The following PSMC1 variants were observed in gnomAD, a reference collection of about 807,000 sequenced individuals.
The protein encoded by PSMC1 is 26S proteasome regulatory subunit 4.
PSMC1 carries 5 observed loss-of-function variants against 49.8 expected under a neutral mutation model. The observed-to-expected ratio is 0.10, with a 90% confidence interval of 0.05 to 0.21. The LOEUF is 0.21. Ranked by LOEUF, PSMC1 falls within the 10% of genes least tolerant of loss-of-function variation. The pLI is 1.00. For missense variants in PSMC1, 181 were observed against 535.7 expected (o/e 0.34, Z 6.54); for synonymous variants, 155 against 192.1 (o/e 0.81, Z 1.60).
chr14:90,265,389 A>G (rs1172225339), intron 7 of PSMC1, among the ~76,000 whole-genome samples: 1 of 151,222 alleles, frequency 6.6e-6, no homozygotes, highest in Non-Finnish European at 1.5e-5. Flanking sequence ...CCCTGTCTCT[A>G]TAAAAAATTA....
intron 3 of PSMC1, among the ~76,000 whole-genome samples, chr14:90,260,960 T>G (rs191091195): frequency 6.6e-6 from 1 of 152,340 alleles, no homozygotes; most frequent in East Asian, 1.9e-4. Context: ...TAACTAAGAA[T>G]CATGTTTATT....
At chr14:90,263,569 C>A in intron 4 of PSMC1, 93 bp from the exon 5 acceptor site, 2 of 1,487,214 alleles carry the variant, frequency 1.3e-6, no homozygotes, top group Non-Finnish European at 1.8e-6. Flanking sequence ...CTGCCTTTTA[C>A]AAGCATCGGC....
chr14:90,269,379 C>T lies in PSMC1; in HGVS notation c.882-18C>T, dbSNP rs539223800. 2.3e-5 allele frequency: 32 copies of T among 1,404,914 alleles called. No individual in the cohort carries two copies. Among genetic ancestry groups the T allele is most frequent in the East Asian group, 2.6e-5 (1 of 39,146 alleles). 87.0% of individuals were successfully genotyped at this position (1,404,914 alleles called of 1,614,324 possible). On this transcript the variant is annotated intron_variant, in intron 8 of 10. Coordinates refer to ENST00000261303, the MANE Select transcript of PSMC1 (RefSeq NM_002802.3). The stretch of plus-strand genomic sequence containing the variant: ...GATCAGTTGAGTCTTCATTCCTTCC[C>T]TTTTTTTTTTTCCAAAGATATGACT...
At chr14:90,266,835 G>A (rs1891529503) in intron 7 of PSMC1, among the ~76,000 whole-genome samples, 1 of 152,230 alleles carries the variant, frequency 6.6e-6, no homozygotes, top group African/African-American at 2.4e-5. Flanking sequence ...GAGCAGTCCA[G>A]CCTTTGCATC....
In PSMC1 at chr14:90,265,073, T is replaced by C; in HGVS notation, c.598T>C (p.Ser200Pro). The change falls in exon 7 of 11, where the codon TCT becomes CCT. Residue 200 changes from serine (S) to proline (P), a missense_variant. Coordinates refer to ENST00000261303, the MANE Select transcript of PSMC1 (RefSeq NM_002802.3). ...LDNQIQEIKESVELPLTHPEY... is the reference protein window; with the variant it reads ...LDNQIQEIKEPVELPLTHPEY... ...TCATTCATACTGTTTTTCATAGGAATCTGTGGAGCTTCCTCTCACCCATCC... is the reference window on the plus strand; with the variant it reads ...TCATTCATACTGTTTTTCATAGGAACCTGTGGAGCTTCCTCTCACCCATCC... 6.2e-7 allele frequency: 1 copy of C among 1,603,402 alleles called. No individual in the cohort carries two copies. Among genetic ancestry groups the C allele is most frequent in the Non-Finnish European group, 8.5e-7 (1 of 1,171,048 alleles).
At chr14:90,264,914 T>C (rs1379687637) in intron 6 of PSMC1, among the ~76,000 whole-genome samples, 156 bp from the exon 7 acceptor site, 1 of 152,238 alleles carries the variant, frequency 6.6e-6, no homozygotes, top group African/African-American at 2.4e-5. Flanking sequence ...ATCTTCAGTA[T>C]GTCTTTGCTG....
Position 90,274,020 on chromosome 14 carries a change from A to G in PSMC1, c.*1613A>G, listed in dbSNP as rs934591036. 6.5e-6 allele frequency: 1 copy of G among 154,896 alleles called. No individual in the cohort carries two copies. The highest frequency in any genetic ancestry group is 2.4e-5 in the African/African-American group (1 of 41,526). 9.6% of individuals were successfully genotyped at this position (154,896 alleles called of 1,614,324 possible). ...ATCTGCAAAGTTCCTTTTGCCATGT[A>G]ACATTCACACGTTCCAGGGCTTAGG... On this transcript the variant is annotated 3_prime_UTR_variant, in exon 11 of 11. Transcript: ENST00000261303.
At chr14:90,259,041 C>G in intron 1 of PSMC1, 119 bp from the exon 2 acceptor site, 1 of 870,780 alleles carries the variant, frequency 1.1e-6, no homozygotes, top group Non-Finnish European at 1.7e-6. Flanking sequence ...CAGAAATGTT[C>G]AAATGAGGGA....
In PSMC1 at chr14:90,274,018, G is replaced by A. The variant is rs1409411914; in HGVS notation, c.*1611G>A. 1 of 154,888 alleles carries A rather than the reference G, an allele frequency of 6.5e-6. No homozygotes were observed. Among genetic ancestry groups the A allele is most frequent in the Non-Finnish European group, 1.5e-5 (1 of 68,258 alleles). The allele number at this position is 154,888 out of a possible 1,614,324, so 9.6% of individuals were successfully genotyped here. A position where few individuals can be genotyped will look rare whatever the true frequency, so the allele number is the denominator to read the frequency against. On this transcript the variant is annotated 3_prime_UTR_variant, in exon 11 of 11. Transcript: ENST00000261303. ...TTATCTGCAAAGTTCCTTTTGCCAT[G>A]TAACATTCACACGTTCCAGGGCTTA... is the stretch of plus-strand genomic sequence containing the variant.
chr14:90,268,111 C>T lies in PSMC1; in HGVS notation c.692-113C>T, dbSNP rs143094276. The T allele has an allele frequency of 1.5e-3, 1,223 of 803,184 alleles. 11 individuals carry two copies. In the African/African-American group the frequency reaches 0.02, roughly 13 times the overall value. 49.8% of individuals were successfully genotyped at this position (803,184 alleles called of 1,614,324 possible). A position where few individuals can be genotyped will look rare whatever the true frequency, so the allele number is the denominator to read the frequency against. The stretch of plus-strand genomic sequence containing the variant: ...CACTTGAATTGGTGCCATGCCTTAG[C>T]ATGAGGGCCCGCCTGTTTTTGGTGT... On this transcript the variant is annotated intron_variant, in intron 7 of 10. Coordinates refer to ENST00000261303, the MANE Select transcript of PSMC1 (RefSeq NM_002802.3).
At position 90,272,500 on chromosome 14, in the gene PSMC1, C is replaced by G. The variant is rs1338909368; in HGVS notation, c.*93C>G. 2.4e-6 allele frequency: 2 copies of G among 840,632 alleles called. No individual in the cohort carries two copies. Among genetic ancestry groups the G allele is most frequent in the South Asian group, 1.9e-5 (1 of 53,244 alleles). 52.1% of individuals were successfully genotyped at this position (840,632 alleles called of 1,614,324 possible). A position where few individuals can be genotyped will look rare whatever the true frequency, so the allele number is the denominator to read the frequency against. The stretch of plus-strand genomic sequence containing the variant: ...GGAGTTGCCCAGAGGAATCCCTGTT[C>G]CCACTGATTTTTATTAGCAAAACAT... On this transcript the variant is annotated 3_prime_UTR_variant, in exon 11 of 11. Transcript: ENST00000261303. This position sits in a 1 kb window ranked among gnomAD's most constrained non-coding sequence, Gnocchi z 4.5.
At chr14:90,267,305 G>A (rs1012897514) in intron 7 of PSMC1, among the ~76,000 whole-genome samples, 15 of 151,934 alleles carry the variant, frequency 9.9e-5, no homozygotes, top group African/African-American at 2.9e-4. Flanking sequence ...AGGATTACAG[G>A]CATGTGCTGG....
intron 7 of PSMC1, 65 bp from the exon 8 acceptor site, chr14:90,268,159 G>A (rs1891566792): frequency 7.4e-6 from 10 of 1,345,682 alleles, no homozygotes; most frequent in African/African-American, 1.5e-5. Flanking sequence ...GTAATGATAC[G>A]AGTTTTTAAG....
At chr14:90,260,311 G>T in intron 3 of PSMC1, 100 bp downstream of exon 3, 1 of 768,712 alleles carries the variant, frequency 1.3e-6, no homozygotes, top group Non-Finnish European at 2.1e-6. Flanking sequence ...GAAGTAGAGG[G>T]GCAACTGAAG....
At chr14:90,264,252 G>GC (rs1891461612) in intron 6 of PSMC1, 83 bp downstream of exon 6, 1 of 1,561,390 alleles carries the variant, frequency 6.4e-7, no homozygotes, top group East Asian at 2.3e-5. Context: ...TGTTTTGTAT[G>GC]TTTGCTTATT....
In PSMC1 at chr14:90,274,787, T is replaced by TACACACACACACACACACACACAC. The variant is rs144111170; in HGVS notation, c.*2409_*2432dup. The stretch of plus-strand genomic sequence containing the variant: ...CAGTATAGCCCTTTAAATAGGGAAC[T>TACACACACACACACACACACACAC]ACACACACACACACACACACACACA... On this transcript the variant is annotated 3_prime_UTR_variant, in exon 11 of 11. Transcript: ENST00000261303. 1 of 110,906 alleles carries TACACACACACACACACACACACAC rather than the reference T, an allele frequency of 9.0e-6. No homozygotes were observed. The highest frequency in any genetic ancestry group is 3.2e-5 in the African/African-American group (1 of 31,732). 6.9% of individuals were successfully genotyped at this position (110,906 alleles called of 1,614,324 possible).
At chr14:90,257,882 GC>G (rs1425921147) in intron 1 of PSMC1, among the ~76,000 whole-genome samples, 2 of 152,170 alleles carry the variant, frequency 1.3e-5, no homozygotes, top group Admixed American at 1.3e-4. Context: ...GAGCCACCGC[GC>G]CCGGCCTCAT....
At chr14:90,265,788 G>A (rs1392303057) in intron 7 of PSMC1, among the ~76,000 whole-genome samples, 1 of 151,850 alleles carries the variant, frequency 6.6e-6, no homozygotes, top group South Asian at 2.1e-4. Flanking sequence ...GAGCCCTGGA[G>A]GTTGAGGCTA....
chr14:90,265,819 A>T (rs1484078496), intron 7 of PSMC1, among the ~76,000 whole-genome samples: 1 of 151,850 alleles, frequency 6.6e-6, no homozygotes, highest in Non-Finnish European at 1.5e-5. Context: ...TGATCACACC[A>T]CTGCATTTCA....
Sources: allele counts gnomAD v4.1 joint callset (sites outside exome capture counted in the v4.1 genomes callset), GRCh38; gene constraint gnomAD v4.1.1; non-coding constraint Gnocchi (gnomAD v3.1); transcripts MANE v1.5; gene names NCBI Gene and HGNC (gene_info 2026-07-23, HGNC 2026-07-21).